The following AFAP1L2 variants were observed in gnomAD, a reference collection of about 807,000 sequenced individuals.
The protein encoded by AFAP1L2 is actin filament-associated protein 1-like 2.
In AFAP1L2, 46 loss-of-function variants were observed where a neutral mutation model predicts 99.3. The observed-to-expected ratio is 0.46, with a 90% CI of 0.37 to 0.59. The LOEUF is 0.59. Ranked by LOEUF, AFAP1L2 falls within the 20% of genes least tolerant of loss-of-function variation. The pLI, the probability that AFAP1L2 is intolerant of heterozygous loss-of-function variation, is 0.00. For missense variants in AFAP1L2, 959 were observed against 1,034.9 expected, an observed-to-expected ratio of 0.93 and a Z score of 1.01; for synonymous variants, 397 against 419.1, an observed-to-expected ratio of 0.95 and a Z score of 0.64.
chr10:114,293,320 G>T (rs2039772544), downstream of AFAP1L2, among the ~76,000 whole-genome samples: 1 of 152,218 alleles, frequency 6.6e-6, no homozygotes, highest in South Asian at 2.1e-4. Flanking sequence ...TCTTTAAATA[G>T]CAGTTTAACC....
At chr10:114,343,540 A>G (rs1292747771) in intron 1 of AFAP1L2, among the ~76,000 whole-genome samples, 1 of 152,180 alleles carries the variant, frequency 6.6e-6, no homozygotes. Flanking sequence ...AGATTTACAA[A>G]TAACCAGCAA....
rs767262452 is a variant in AFAP1L2, at chr10:114,299,424, C to G, written c.1958-9G>C. 6.2e-7 allele frequency: 1 copy of G among 1,613,884 alleles called. No individual in the cohort carries two copies. The highest frequency in any genetic ancestry group is 8.5e-7 in the Non-Finnish European group (1 of 1,179,862). On this transcript the variant is annotated splice_polypyrimidine_tract_variant and intron_variant, in intron 15 of 18. Transcript: ENST00000304129. ...CTTGCCAAGCTTGATCTCTACAGACCCAGAGAGGGAAGCCCCAGGTAAGCA... is the reference window on the plus strand; with the variant it reads ...CTTGCCAAGCTTGATCTCTACAGACGCAGAGAGGGAAGCCCCAGGTAAGCA...
At chr10:114,304,539 T>C (rs1476118712) in intron 11 of AFAP1L2, among the ~76,000 whole-genome samples, 180 bp downstream of exon 11, 1 of 152,156 alleles carries the variant, frequency 6.6e-6, no homozygotes, top group East Asian at 1.9e-4. Context: ...GCAACTACTC[T>C]GAGGTCAGAA....
chr10:114,321,013 C>T (rs1014553169), intron 5 of AFAP1L2, among the ~76,000 whole-genome samples: 1 of 152,210 alleles, frequency 6.6e-6, no homozygotes, highest in Non-Finnish European at 1.5e-5. Context: ...CCTAAACAGG[C>T]GCTCACTTCC....
At position 114,295,083 on chromosome 10, in the gene AFAP1L2, A is replaced by C. The variant is rs1047371291; in HGVS notation, c.*959T>G. 39 of 985,412 alleles carry C rather than the reference A, an allele frequency of 4.0e-5. No homozygotes were observed. The highest frequency in any genetic ancestry group is 2.9e-5 in the Non-Finnish European group (24 of 829,872). 61.0% of individuals were successfully genotyped at this position (985,412 alleles called of 1,614,324 possible). A position where few individuals can be genotyped will look rare whatever the true frequency, so the allele number is the denominator to read the frequency against. On this transcript the variant is annotated 3_prime_UTR_variant, in exon 19 of 19. Transcript: ENST00000304129. ...GGCAGCACAAGGAACAGCACTGCCA[A>C]TTTTAAGAGGGCGATCACCCTAACC...
chr10:114,290,286 T>C, downstream of AFAP1L2: 1 of 1,550,554 alleles, frequency 6.4e-7, no homozygotes, highest in Non-Finnish European at 8.7e-7. Flanking sequence ...CGTGCATGAA[T>C]GAGGGCAGCT....
chr10:114,365,132 C>T (rs2053025449), intron 1 of AFAP1L2, among the ~76,000 whole-genome samples: 1 of 152,202 alleles, frequency 6.6e-6, no homozygotes, highest in African/African-American at 2.4e-5. Context: ...CCCTAACGTT[C>T]CTTAGCAGTC....
At chr10:114,306,711 C>T (rs2042511850) in intron 10 of AFAP1L2, among the ~76,000 whole-genome samples, 1 of 152,048 alleles carries the variant, frequency 6.6e-6, no homozygotes, top group African/African-American at 2.4e-5. Context: ...ATTAAGCACC[C>T]CCAGTCCTGG....
At chr10:114,390,461 G>A (rs939100783) in intron 1 of AFAP1L2, among the ~76,000 whole-genome samples, 11 of 152,146 alleles carry the variant, frequency 7.2e-5, no homozygotes, top group Non-Finnish European at 1.2e-4. Flanking sequence ...GGTGGCTCAC[G>A]CCTGTAATCC....
At chr10:114,374,499 C>A (rs1056265380) in intron 1 of AFAP1L2, among the ~76,000 whole-genome samples, 7 of 152,126 alleles carry the variant, frequency 4.6e-5, no homozygotes, top group Non-Finnish European at 8.8e-5. Flanking sequence ...CCTTCCCCAG[C>A]CCTGGCCTCA....
intron 1 of AFAP1L2, among the ~76,000 whole-genome samples, chr10:114,348,068 C>A (rs1322835901): frequency 2.0e-5 from 3 of 152,124 alleles, no homozygotes; most frequent in African/African-American, 7.2e-5. Context: ...TTGCATCTGG[C>A]TTCTTTCCCT....
intron 1 of AFAP1L2, among the ~76,000 whole-genome samples, chr10:114,391,376 T>C (rs1330135653): frequency 6.6e-6 from 1 of 152,134 alleles, no homozygotes; most frequent in Non-Finnish European, 1.5e-5. Context: ...TCTGCCACTA[T>C]ATCTGGCTAA....
At chr10:114,381,214 A>C (rs895778399) in intron 1 of AFAP1L2, among the ~76,000 whole-genome samples, 6 of 152,238 alleles carry the variant, frequency 3.9e-5, no homozygotes, top group African/African-American at 1.4e-4. Context: ...GCAATGAAAT[A>C]CTGATACAGG....
At chr10:114,303,129 G>A (rs2134096347) in intron 11 of AFAP1L2, among the ~76,000 whole-genome samples, 1 of 151,968 alleles carries the variant, frequency 6.6e-6, no homozygotes, top group East Asian at 1.9e-4. Context: ...TGTCCACACT[G>A]TTTCTTACCT....
At chr10:114,364,083 T>G (rs1410597323) in intron 1 of AFAP1L2, among the ~76,000 whole-genome samples, 1 of 152,154 alleles carries the variant, frequency 6.6e-6, no homozygotes, top group Non-Finnish European at 1.5e-5. Context: ...TCACTAATAT[T>G]TCATTCTTTG....
At chr10:114,334,123 G>A (rs771094658) in intron 2 of AFAP1L2, among the ~76,000 whole-genome samples, 3 of 152,114 alleles carry the variant, frequency 2.0e-5, no homozygotes, top group Non-Finnish European at 4.4e-5. Flanking sequence ...AAGAACTGAG[G>A]AACCACCAGC....
At chr10:114,284,781 C>T in the AFAP1L2 span, 6 of 1,368,218 alleles carry the variant, frequency 4.4e-6, no homozygotes, top group Non-Finnish European at 5.9e-6. Flanking sequence ...AGCAGGAAGC[C>T]AGCTGCACCC....
At chr10:114,322,721 G>A (rs2045574134) in intron 5 of AFAP1L2, among the ~76,000 whole-genome samples, 1 of 152,160 alleles carries the variant, frequency 6.6e-6, no homozygotes, top group African/African-American at 2.4e-5. Flanking sequence ...CCCTGACACA[G>A]CGGGAGCACC....
At position 114,323,229 on chromosome 10, in the gene AFAP1L2, C is replaced by G. The variant is rs757230428; in HGVS notation, c.348G>C (p.Lys116Asn). Reference protein sequence around the residue: ...IPERKQLAIPKTESPEGYYEE... With the variant: ...IPERKQLAIPNTESPEGYYEE... Reference sequence around the variant, plus strand: ...CATAGTAGCCCTCTGGAGACTCCGTCTTTGGGATGGCAAGCTGTTTCCGTT... The same window carrying G: ...CATAGTAGCCCTCTGGAGACTCCGTGTTTGGGATGGCAAGCTGTTTCCGTT... The change falls in exon 5 of 19, where the codon AAG becomes AAC. Residue 116 changes from lysine (K) to asparagine (N), a missense_variant. Transcript: ENST00000304129. 1.2e-6 allele frequency: 2 copies of G among 1,601,562 alleles called. No individual in the cohort carries two copies. The highest frequency in any genetic ancestry group is 3.4e-5 in the Admixed American group (2 of 58,732).
Sources: allele counts gnomAD v4.1 joint callset (sites outside exome capture counted in the v4.1 genomes callset), GRCh38; gene constraint gnomAD v4.1.1; transcripts MANE v1.5; gene names NCBI Gene and HGNC (gene_info 2026-07-23, HGNC 2026-07-21).